DAB1: variants seen among roughly 807,000 people sequenced by gnomAD.
DAB1 encodes disabled homolog 1.
In DAB1, 15 loss-of-function variants were observed where a neutral mutation model predicts 64.6. The observed-to-expected ratio is 0.23, with a 90% CI of 0.16 to 0.36. DAB1 has a LOEUF of 0.36. DAB1 is among the 10% of genes least tolerant of loss of function. DAB1 has a pLI of 1.00. For missense variants in DAB1, 596 were observed against 706.7 expected (o/e 0.84, Z 1.78); for synonymous variants, 235 against 251.9 (o/e 0.93, Z 0.64).
At chr1:58,485,942 A>C (rs1471686362) in intron 3 of DAB1, among the ~76,000 whole-genome samples, 1 of 152,220 alleles carries the variant, frequency 6.6e-6, no homozygotes, top group Non-Finnish European at 1.5e-5. Context: ...AATGTATTTT[A>C]ATAGCAAGAA....
intron 2 of DAB1, among the ~76,000 whole-genome samples, chr1:57,177,328 T>A (rs1662437260): frequency 6.6e-6 from 1 of 152,294 alleles, no homozygotes; most frequent in South Asian, 2.1e-4. Context: ...AGCACTCCCA[T>A]GTTGTGTAGG....
chr1:57,352,579 C>T (rs914641721), intron 1 of DAB1, among the ~76,000 whole-genome samples: 1 of 152,052 alleles, frequency 6.6e-6, no homozygotes, highest in African/African-American at 2.4e-5. Flanking sequence ...TTATCACCTC[C>T]ATTTTACAGA....
rs116392683 is a variant in DAB1 at position 57,047,827 on chromosome 1, G to A, written c.723+15057C>T. ...TATTGCTTGAGCATGGAGACCTGCAGGCCCTCCAGCCCCATGCTCTATACA... is the reference window on the plus strand; with the variant it reads ...TATTGCTTGAGCATGGAGACCTGCAAGCCCTCCAGCCCCATGCTCTATACA... On this transcript the variant is annotated intron_variant, in intron 9 of 14. Coordinates refer to ENST00000371236, the MANE Select transcript of DAB1 (RefSeq NM_001365792.1). Among the ~76,000 whole-genome samples, 1,024 of 152,236 alleles carry A rather than the reference G, an allele frequency of 6.7e-3. 9 individuals are homozygous for A. The highest frequency in any genetic ancestry group is 9.4e-3 in the Non-Finnish European group (640 of 68,024).
At chr1:58,208,382 T>C (rs1244488758) in intron 4 of DAB1, among the ~76,000 whole-genome samples, 1 of 152,154 alleles carries the variant, frequency 6.6e-6, no homozygotes, top group Non-Finnish European at 1.5e-5. Flanking sequence ...GAGATTTTGG[T>C]GCACCCATCA....
At chr1:57,587,202 T>C (rs567487702) in intron 7 of DAB1, among the ~76,000 whole-genome samples, 3 of 152,332 alleles carry the variant, frequency 2.0e-5, no homozygotes, top group South Asian at 2.1e-4. Context: ...CCCCCTACTA[T>C]TCCTTGTTCT....
intron 5 of DAB1, among the ~76,000 whole-genome samples, chr1:58,019,890 T>C (rs1045047183): frequency 6.6e-6 from 1 of 152,204 alleles, no homozygotes; most frequent in Non-Finnish European, 1.5e-5. Context: ...GTAATTCTAT[T>C]ACCTTAAGTC....
intron 7 of DAB1, among the ~76,000 whole-genome samples, chr1:57,513,288 C>A (rs921711569): frequency 1.3e-5 from 2 of 152,102 alleles, no homozygotes; most frequent in African/African-American, 4.8e-5. Context: ...CAAGCCCTTC[C>A]CCTAGATTCT....
intron 2 of DAB1, among the ~76,000 whole-genome samples, chr1:57,180,856 G>A (rs560289670): frequency 1.2e-4 from 18 of 152,262 alleles, no homozygotes; most frequent in African/African-American, 4.3e-4. Context: ...CTCTACCCCA[G>A]TCTCCTGTAG....
chr1:57,513,754 A>G (rs1347202359), intron 7 of DAB1, among the ~76,000 whole-genome samples: 1 of 152,214 alleles, frequency 6.6e-6, no homozygotes, highest in East Asian at 1.9e-4. Flanking sequence ...TATTAACTAC[A>G]GCTACCATAT....
chr1:58,132,233 C>T (rs186570407), intron 5 of DAB1, among the ~76,000 whole-genome samples: 16 of 152,234 alleles, frequency 1.1e-4, no homozygotes, highest in South Asian at 4.1e-4. Context: ...AGGTGCGGTC[C>T]GTCAGCGATT....
At chr1:57,488,333 G>C (rs1644118859) in intron 7 of DAB1, among the ~76,000 whole-genome samples, 2 of 151,494 alleles carry the variant, frequency 1.3e-5, no homozygotes, top group Non-Finnish European at 2.9e-5. Flanking sequence ...ACCCGGGCGG[G>C]GGAGCTTGCA....
chr1:57,870,903 T>G (rs1031585143), intron 1 of DAB1, among the ~76,000 whole-genome samples: 1 of 151,954 alleles, frequency 6.6e-6, no homozygotes, highest in East Asian at 1.9e-4. Flanking sequence ...GACAAAAGAG[T>G]TGACATTGGC....
chr1:58,427,520 G>A (rs1644833063), intron 3 of DAB1, among the ~76,000 whole-genome samples: 1 of 152,152 alleles, frequency 6.6e-6, no homozygotes, highest in Non-Finnish European at 1.5e-5. Context: ...AGTTCAGGGT[G>A]GCAGCAGTGC....
At chr1:57,093,348 A>G (rs1476877395) in intron 4 of DAB1, among the ~76,000 whole-genome samples, 1 of 152,228 alleles carries the variant, frequency 6.6e-6, no homozygotes, top group Non-Finnish European at 1.5e-5. Flanking sequence ...ACATCACCAT[A>G]TAAGGCAATA....
intron 4 of DAB1, among the ~76,000 whole-genome samples, chr1:57,082,790 G>A (rs1240039213): frequency 1.3e-5 from 2 of 152,122 alleles, no homozygotes; most frequent in Non-Finnish European, 2.9e-5. Context: ...TTGGTTTTCT[G>A]TTCCTGTGTT....
intron 1 of DAB1, among the ~76,000 whole-genome samples, chr1:57,319,690 T>C (rs1028703523): frequency 6.6e-6 from 1 of 152,192 alleles, no homozygotes; most frequent in Non-Finnish European, 1.5e-5. Context: ...AGATACTTGC[T>C]TTCTTGGACT....
At chr1:57,872,218 A>C (rs1643963879) in intron 1 of DAB1, among the ~76,000 whole-genome samples, 1 of 152,018 alleles carries the variant, frequency 6.6e-6, no homozygotes, top group Admixed American at 6.6e-5. Flanking sequence ...CCTAAAACTC[A>C]TGTGTTAAAA....
At chr1:57,897,798 T>G (rs1172359241) in intron 5 of DAB1, among the ~76,000 whole-genome samples, 1 of 152,160 alleles carries the variant, frequency 6.6e-6, no homozygotes, top group Non-Finnish European at 1.5e-5. Flanking sequence ...CACTTCATGT[T>G]ACAGATGGGA....
intron 9 of DAB1, among the ~76,000 whole-genome samples, chr1:57,058,295 G>T (rs546405529): frequency 6.6e-6 from 1 of 152,188 alleles, no homozygotes; most frequent in Non-Finnish European, 1.5e-5. Context: ...AGGCAAGAGG[G>T]CTTCTTTGAG....
Sources: gnomAD v4.1 joint callset for allele counts (sites outside exome capture counted in the v4.1 genomes callset) on GRCh38, gnomAD v4.1.1 for gene constraint, MANE v1.5 for transcripts, NCBI Gene and HGNC (gene_info 2026-07-23, HGNC 2026-07-21) for gene names.